Variants in NKAIN2 observed in about 807,000 individuals in gnomAD.
NKAIN2 encodes the protein sodium/potassium-transporting ATPase subunit beta-1-interacting protein 2.
NKAIN2 carries 14 observed loss-of-function variants against 32.6 expected under a neutral mutation model. That is an observed-to-expected ratio of 0.43 (90% CI 0.28 to 0.67). The LOEUF (loss-of-function observed/expected upper bound fraction) is 0.67, where lower values mean the gene tolerates loss of function less well. Among genes scored for constraint, NKAIN2 ranks in the 30% least tolerant of loss-of-function variants. The pLI is 0.17. For synonymous variants in NKAIN2, 80 were observed against 87.2 expected (o/e 0.92, Z 0.46); for missense variants, 198 against 258.3 (o/e 0.77, Z 1.60).
At chr6:123,948,597 A>ATTTTTTTTTTTTTTTTTTTTTTTTTTTT (rs71021472) in intron 1 of NKAIN2, among the ~76,000 whole-genome samples, 5 of 49,316 alleles carry the variant, frequency 1.0e-4, no homozygotes, top group Admixed American at 3.0e-4. Context: ...CTTAAATGGG[A>ATTTTTTTTTTTTTTTTTTTTTTTTTTTT]TTTTTTTTTT....
In NKAIN2 at chr6:124,495,676, T is replaced by C. The variant is rs114809580; in HGVS notation, c.273+140329T>C. On this transcript the variant is annotated intron_variant, in intron 3 of 6. Coordinates refer to ENST00000368417, the MANE Select transcript of NKAIN2 (RefSeq NM_001040214.3). ...CACTAAGACATTATACTAATTTTCT[T>C]CAACCAAAGAAAATTCCAAAGGATT... is the stretch of plus-strand genomic sequence containing the variant. Among the ~76,000 whole-genome samples, 1,260 of 152,226 alleles carry C rather than the reference T, an allele frequency of 8.3e-3. 15 individuals carry two copies. Among genetic ancestry groups the C allele is most frequent in the African/African-American group, 0.028 (1,183 of 41,548 alleles).
At chr6:124,723,427 T>G (rs538354088) in intron 4 of NKAIN2, among the ~76,000 whole-genome samples, 7 of 31,806 alleles carry the variant, frequency 2.2e-4, no homozygotes, top group African/African-American at 6.1e-4. Flanking sequence ...CTGGCAAATA[T>G]TTTTATTTTT....
chr6:124,747,443 T>A (rs1562360736), intron 4 of NKAIN2, among the ~76,000 whole-genome samples: 1 of 151,882 alleles, frequency 6.6e-6, no homozygotes, highest in Non-Finnish European at 1.5e-5. Flanking sequence ...TTAACTTAAC[T>A]GATGTGAAAA....
chr6:124,632,721 T>A lies in NKAIN2; in HGVS notation c.274-25465T>A, dbSNP rs554406436. On this transcript the variant is annotated intron_variant, in intron 3 of 6. Coordinates refer to ENST00000368417, the MANE Select transcript of NKAIN2 (RefSeq NM_001040214.3). The stretch of plus-strand genomic sequence containing the variant: ...ATAGATACATATACTTAAAAGTGTT[T>A]TATTTAGACTTAGAAGTTTATATTT... 4.6e-5 allele frequency among the ~76,000 whole-genome samples: 7 copies of A among 152,342 alleles called. No homozygotes were observed. In the East Asian group the frequency reaches 1.4e-3, roughly 29 times the overall value.
In NKAIN2 at chr6:123,831,482, G is replaced by T. The variant is rs1221415410; in HGVS notation, c.54+27228G>T. ...TTTTTTTTTTAAGATAGCCACACTG[G>T]TTTTTTTGTGTTGTTGTTGTTAATT... is the stretch of plus-strand genomic sequence containing the variant. On this transcript the variant is annotated intron_variant, in intron 1 of 6. Transcript: ENST00000368417. Among the ~76,000 whole-genome samples the T allele has an allele frequency of 5.4e-5, 8 of 148,100 alleles. No homozygotes were observed. In the East Asian group the frequency reaches 1.2e-3, roughly 22 times the overall value.
At chr6:124,378,274 C>A (rs1451425941) in intron 3 of NKAIN2, among the ~76,000 whole-genome samples, 1 of 152,112 alleles carries the variant, frequency 6.6e-6, no homozygotes, top group Non-Finnish European at 1.5e-5. Flanking sequence ...CAAGGGACAG[C>A]AAAAGCCTAG....
intron 3 of NKAIN2, among the ~76,000 whole-genome samples, chr6:124,454,614 G>T (rs536657188): frequency 6.6e-6 from 1 of 152,050 alleles, no homozygotes; most frequent in African/African-American, 2.4e-5. Context: ...CTTATGAATG[G>T]CCATAAATGT....
chr6:124,726,114 G>C (rs915855839), intron 4 of NKAIN2, among the ~76,000 whole-genome samples: 3 of 152,212 alleles, frequency 2.0e-5, no homozygotes, highest in Non-Finnish European at 2.9e-5. Context: ...ACTGCAAGGC[G>C]GCAGCGAGCC....
intron 1 of NKAIN2, among the ~76,000 whole-genome samples, chr6:124,085,531 G>A (rs1350127788): frequency 6.6e-6 from 1 of 151,804 alleles, no homozygotes; most frequent in Non-Finnish European, 1.5e-5. Context: ...TGTCTTGGTG[G>A]TCTTGGTGAG....
intron 1 of NKAIN2, among the ~76,000 whole-genome samples, chr6:124,229,102 A>G (rs985285674): frequency 6.6e-6 from 1 of 152,214 alleles, no homozygotes; most frequent in African/African-American, 2.4e-5. Context: ...GATATCCAGA[A>G]TACATCAATC....
chr6:124,354,641 G>A (rs1374091970), intron 2 of NKAIN2, among the ~76,000 whole-genome samples: 1 of 152,048 alleles, frequency 6.6e-6, no homozygotes, highest in African/African-American at 2.4e-5. Flanking sequence ...ACACGGAGAT[G>A]GTTTTGCTAA....
intron 1 of NKAIN2, among the ~76,000 whole-genome samples, chr6:124,006,402 CAG>C (rs1210089940): frequency 6.6e-6 from 1 of 152,106 alleles, no homozygotes; most frequent in East Asian, 1.9e-4. Context: ...TTATAAGCCT[CAG>C]GGGTTAGGAT....
chr6:124,804,988 G>T lies in NKAIN2; in HGVS notation c.536-13399G>T, dbSNP rs551539911. On this transcript the variant is annotated intron_variant, in intron 5 of 6. Coordinates refer to ENST00000368417, the MANE Select transcript of NKAIN2 (RefSeq NM_001040214.3). The stretch of plus-strand genomic sequence containing the variant: ...GCTTGCTTAGGTAAACAAAGCAGCC[G>T]GGAAGCTCGAACTGGGTGGAGCCCA... Among the ~76,000 whole-genome samples, 1,454 of 152,276 alleles carry T rather than the reference G, an allele frequency of 9.5e-3. 18 individuals carry two copies. The highest frequency in any genetic ancestry group is 0.017 in the Middle Eastern group (5 of 294).
In NKAIN2 at chr6:124,342,488, T is replaced by C. The variant is rs974705888; in HGVS notation, c.193-12779T>C. Among the ~76,000 whole-genome samples, 3 of 151,982 alleles carry C rather than the reference T, an allele frequency of 2.0e-5. No individual in the cohort carries two copies. In the East Asian group the frequency reaches 5.8e-4, roughly 29 times the overall value. On this transcript the variant is annotated intron_variant, in intron 2 of 6. Transcript: ENST00000368417. ...AAAAATTCTAAACCTTTTTCTTGCT[T>C]AAACAAGTCTTTTTTTGTTGTTTTT...
intron 1 of NKAIN2, among the ~76,000 whole-genome samples, chr6:124,105,585 G>C (rs751491071): frequency 6.6e-6 from 1 of 152,172 alleles, no homozygotes; most frequent in Non-Finnish European, 1.5e-5. Flanking sequence ...GAAGCACAGA[G>C]ACTTTTGTAT....
At chr6:123,911,807 A>ATATATATATATG (rs1473572416) in intron 1 of NKAIN2, among the ~76,000 whole-genome samples, 2 of 103,736 alleles carry the variant, frequency 1.9e-5, no homozygotes, top group Non-Finnish European at 3.7e-5. Context: ...ATATGTATAT[A>ATATATATATATG]TATATACACA....
chr6:124,685,582 A>T (rs1471489224), intron 4 of NKAIN2, among the ~76,000 whole-genome samples: 1 of 152,198 alleles, frequency 6.6e-6, no homozygotes, highest in Non-Finnish European at 1.5e-5. Context: ...CTAGCACACG[A>T]TAAAATGCAC....
chr6:123,804,858 A>AC (rs1252813829), intron 1 of NKAIN2, among the ~76,000 whole-genome samples: 1 of 152,196 alleles, frequency 6.6e-6, no homozygotes, highest in African/African-American at 2.4e-5. Flanking sequence ...ACTCAGCAAC[A>AC]CCATTGTCAT....
chr6:123,936,117 AG>A (rs1776498036), intron 1 of NKAIN2, among the ~76,000 whole-genome samples: 1 of 152,178 alleles, frequency 6.6e-6, no homozygotes, highest in South Asian at 2.1e-4. Context: ...AATTCTGAAA[AG>A]CTCAATACAG....
Sources: gnomAD v4.1 joint callset for allele counts (sites outside exome capture counted in the v4.1 genomes callset) on GRCh38, gnomAD v4.1.1 for gene constraint, MANE v1.5 for transcripts, NCBI Gene and HGNC (gene_info 2026-07-23, HGNC 2026-07-21) for gene names.